The following NXPE2 variants were observed in gnomAD, a reference collection of about 807,000 sequenced individuals.
NXPE2 encodes NXPE family member 2.
NXPE2 carries 34 observed loss-of-function variants against 34.4 expected under a neutral mutation model. The ratio of observed to expected loss-of-function variants is 0.99; its 90% CI spans 0.75 to 1.31. The LOEUF is 1.31. Ranked by LOEUF, NXPE2 falls within the 40% of genes most tolerant of loss-of-function variation. NXPE2 has a pLI of 0.00. For synonymous variants in NXPE2, 235 were observed against 231.3 expected, an observed-to-expected ratio of 1.02 and a Z score of -0.15; for missense variants, 649 against 672.5, an observed-to-expected ratio of 0.97 and a Z score of 0.39.
chr11:114,553,989 C>T, the NXPE2 span: 2 of 985,428 alleles, frequency 2.0e-6, no homozygotes, highest in South Asian at 4.7e-5. Context: ...TCAAAGTCAA[C>T]TTGTCCAATT....
chr11:114,761,137 T>C, the NXPE2 span, among the ~76,000 whole-genome samples: 1 of 152,202 alleles, frequency 6.6e-6, no homozygotes, highest in East Asian at 1.9e-4. Context: ...CAAATGTGCT[T>C]TATTATCACA....
chr11:114,640,552 T>C, the NXPE2 span, among the ~76,000 whole-genome samples: 1,957 of 151,934 alleles, frequency 0.013, 31 homozygotes, highest in African/African-American at 0.045. Flanking sequence ...ACAGAGGTTG[T>C]ACTAATTTAC....
the NXPE2 span, among the ~76,000 whole-genome samples, chr11:114,568,850 A>G: frequency 1.7e-3 from 262 of 152,168 alleles, no homozygotes; most frequent in African/African-American, 6.1e-3. Context: ...GAATAATTTT[A>G]TGTCTTTTTT....
At chr11:114,543,306 A>T in the NXPE2 span, among the ~76,000 whole-genome samples, 1 of 151,816 alleles carries the variant, frequency 6.6e-6, no homozygotes, top group African/African-American at 2.4e-5. Flanking sequence ...CAGTGAGCCA[A>T]GATTGCACCA....
the NXPE2 span, among the ~76,000 whole-genome samples, chr11:114,544,109 C>T: frequency 2.0e-5 from 3 of 152,210 alleles, no homozygotes; most frequent in South Asian, 6.2e-4. Context: ...GAGAGAGATT[C>T]CATGTTCATG....
the NXPE2 span, among the ~76,000 whole-genome samples, chr11:114,600,443 A>T: frequency 1.3e-5 from 2 of 152,190 alleles, no homozygotes; most frequent in Non-Finnish European, 2.9e-5. Flanking sequence ...CTAATAAGAC[A>T]CAAATGCTGT....
the NXPE2 span, among the ~76,000 whole-genome samples, chr11:114,607,744 G>A: frequency 3.3e-4 from 49 of 150,258 alleles, no homozygotes; most frequent in East Asian, 1.8e-3. Context: ...ACAGTTGCCC[G>A]GTGGATAATA....
the NXPE2 span, among the ~76,000 whole-genome samples, chr11:114,633,559 C>G: frequency 1.3e-5 from 2 of 151,234 alleles, no homozygotes; most frequent in Non-Finnish European, 1.5e-5. Context: ...GTGTGCTGCA[C>G]CCATTGACTC....
At chr11:114,734,633 A>G in the NXPE2 span, among the ~76,000 whole-genome samples, 1 of 152,154 alleles carries the variant, frequency 6.6e-6, no homozygotes, top group Non-Finnish European at 1.5e-5. Context: ...CATGACTTCT[A>G]ATTTACTTAG....
chr11:114,573,310 G>C, the NXPE2 span, among the ~76,000 whole-genome samples: 17 of 151,978 alleles, frequency 1.1e-4, no homozygotes, highest in African/African-American at 3.9e-4. Flanking sequence ...AGAAAAACAA[G>C]GTATTTAGGC....
At chr11:114,588,652 G>T in the NXPE2 span, among the ~76,000 whole-genome samples, 2 of 152,140 alleles carry the variant, frequency 1.3e-5, no homozygotes, top group Non-Finnish European at 2.9e-5. Context: ...CATCACAGAT[G>T]AATAGAAAAG....
chr11:114,806,556 C>G, the NXPE2 span, among the ~76,000 whole-genome samples: 36 of 152,256 alleles, frequency 2.4e-4, no homozygotes, highest in Non-Finnish European at 4.1e-4. Flanking sequence ...AATGCAGAAG[C>G]CTCAGTAGCC....
chr11:114,714,894 CGCCTGTAATCCCA>C, the NXPE2 span, among the ~76,000 whole-genome samples: 1 of 152,040 alleles, frequency 6.6e-6, no homozygotes, highest in East Asian at 1.9e-4. Flanking sequence ...TGGTGGCACA[CGCCTGTAATCCCA>C]GCTACTTGGG....
At chr11:114,775,340 A>C in the NXPE2 span, among the ~76,000 whole-genome samples, 3 of 152,174 alleles carry the variant, frequency 2.0e-5, no homozygotes, top group Non-Finnish European at 4.4e-5. Context: ...TAAGGCCCTG[A>C]ATAGCTTTTG....
the NXPE2 span, among the ~76,000 whole-genome samples, chr11:114,585,108 T>C: frequency 6.6e-6 from 1 of 151,974 alleles, no homozygotes; most frequent in African/African-American, 2.4e-5. Flanking sequence ...CAGCCATTTT[T>C]AGATTGGTTC....
At chr11:114,549,198 A>G in the NXPE2 span, among the ~76,000 whole-genome samples, 1 of 152,038 alleles carries the variant, frequency 6.6e-6, no homozygotes, top group Non-Finnish European at 1.5e-5. Flanking sequence ...AGATCAGTCA[A>G]TCCCAATATT....
chr11:114,629,043 GA>G, the NXPE2 span, among the ~76,000 whole-genome samples: 2 of 151,958 alleles, frequency 1.3e-5, no homozygotes, highest in African/African-American at 4.8e-5. Flanking sequence ...GCTTACCAAT[GA>G]AAAAGAGTCC....
the NXPE2 span, among the ~76,000 whole-genome samples, chr11:114,767,607 G>A: frequency 2.6e-5 from 4 of 152,114 alleles, no homozygotes; most frequent in Admixed American, 6.5e-5. Flanking sequence ...TCAATGAATA[G>A]CAAATGACAT....
the NXPE2 span, among the ~76,000 whole-genome samples, chr11:114,495,654 C>G: frequency 6.6e-6 from 1 of 152,052 alleles, no homozygotes; most frequent in African/African-American, 2.4e-5. Context: ...TGAGTCTCAC[C>G]CAAGGCCTGA....
Sources: allele counts gnomAD v4.1 joint callset (sites outside exome capture counted in the v4.1 genomes callset), GRCh38; gene constraint gnomAD v4.1.1; transcripts MANE v1.5; gene names NCBI Gene and HGNC (gene_info 2026-07-23, HGNC 2026-07-21).